PCDHGA3: variants seen among roughly 807,000 people sequenced by gnomAD.
The protein encoded by PCDHGA3 is protocadherin gamma-A3.
In PCDHGA3, 40 loss-of-function variants were observed where a neutral mutation model predicts 58.5. The observed-to-expected ratio is 0.68, with a 90% CI of 0.53 to 0.89. The LOEUF (loss-of-function observed/expected upper bound fraction) is 0.89. Ranked by LOEUF, PCDHGA3 falls within the 40% of genes least tolerant of loss-of-function variation. PCDHGA3 has a pLI of 0.00. For missense variants in PCDHGA3, 1,223 were observed against 1,195.9 expected (o/e 1.02, Z -0.33); for synonymous variants, 530 against 525.7 (o/e 1.01, Z -0.11).
In PCDHGA3 at chr5:141,408,035, C is replaced by T. The variant is rs886766467; in HGVS notation, c.2424+61578C>T. On this transcript the variant is annotated intron_variant, in intron 1 of 3. Transcript: ENST00000253812. ...CAGCCAACAACAGAAAGAAGAAAAC[C>T]AGCTCCCACACAGAGCCTCCCGGCT... 7.1e-6 allele frequency: 8 copies of T among 1,130,910 alleles called. No homozygotes were observed. The African/African-American group carries it at 7.8e-5, about 11-fold the overall frequency. 70.1% of individuals were successfully genotyped at this position (1,130,910 alleles called of 1,614,324 possible).
rs1385408442 is a variant in PCDHGA3 at position 141,487,321 on chromosome 5, T to A, written c.2425-7486T>A. 1 of 1,614,198 alleles carries A rather than the reference T, an allele frequency of 6.2e-7. No homozygotes were observed. The highest frequency in any genetic ancestry group is 1.7e-5 in the Admixed American group (1 of 60,032). ...TCGTGGCACTACTCTCTAAGTGTCT[T>A]CGTGGGGCAGCCTGTGGAGTCACAT... is the stretch of plus-strand genomic sequence containing the variant. On this transcript the variant is annotated intron_variant, in intron 1 of 3. Transcript: ENST00000253812. This position sits in a 1 kb window ranked among gnomAD's most constrained non-coding sequence, Gnocchi z 5.0.
intron 2 of PCDHGA3, among the ~76,000 whole-genome samples, chr5:141,502,250 T>A (rs915754322): frequency 2.6e-5 from 4 of 152,242 alleles, no homozygotes; most frequent in East Asian, 3.8e-4. Context: ...TCCTTTTTTT[T>A]AATCCAGGAT....
chr5:141,362,481 T>C (rs1372374751), intron 1 of PCDHGA3: 16 of 1,613,962 alleles, frequency 9.9e-6, no homozygotes, highest in Non-Finnish European at 1.4e-5. Context: ...ATCTCGTCTG[T>C]GACAATGCCT....
chr5:141,508,919 C>T (rs1166086266), intron 3 of PCDHGA3, among the ~76,000 whole-genome samples: 1 of 151,996 alleles, frequency 6.6e-6, no homozygotes, highest in Non-Finnish European at 1.5e-5. Context: ...GATCTGGCTT[C>T]CTTTTGGAGT....
At chr5:141,395,004 A>T (rs2093147678) in intron 1 of PCDHGA3, 3 of 1,614,010 alleles carry the variant, frequency 1.9e-6, no homozygotes, top group Non-Finnish European at 2.5e-6. Context: ...TTCCGGTGGC[A>T]GATTGGTAGG....
chr5:141,399,619 G>C (rs749025661), intron 1 of PCDHGA3: 1 of 1,613,902 alleles, frequency 6.2e-7, no homozygotes, highest in Non-Finnish European at 8.5e-7. Context: ...TCTGGCACTG[G>C]CCTCTTACGT....
In PCDHGA3 at chr5:141,432,688, A is replaced by T; in HGVS notation, c.2425-62119A>T. 1 of 1,613,896 alleles carries T rather than the reference A, an allele frequency of 6.2e-7. No homozygotes were observed. The highest frequency in any genetic ancestry group is 1.1e-5 in the South Asian group (1 of 91,078). ...GAGACGCGCTCAAGCAGAGCCTCGTAGTGGCCGTCCAGGACCACGGCCAGC... is the reference window on the plus strand; with the variant it reads ...GAGACGCGCTCAAGCAGAGCCTCGTTGTGGCCGTCCAGGACCACGGCCAGC... On this transcript the variant is annotated intron_variant, in intron 1 of 3. Transcript: ENST00000253812. This position sits in a 1 kb window ranked among gnomAD's most constrained non-coding sequence, Gnocchi z 6.0.
chr5:141,411,299 G>C (rs1020908131), intron 1 of PCDHGA3: 1 of 152,284 alleles, frequency 6.6e-6, no homozygotes, highest in Non-Finnish European at 1.5e-5. Context: ...GACAGGCCCA[G>C]TGGCTCACAC....
intron 1 of PCDHGA3, among the ~76,000 whole-genome samples, chr5:141,468,000 C>G (rs1429450909): frequency 6.6e-6 from 1 of 152,028 alleles, no homozygotes; most frequent in East Asian, 1.9e-4. Flanking sequence ...ATTCTTTCTT[C>G]CTCTGTTATA....
chr5:141,446,408 C>A (rs1211716327), intron 1 of PCDHGA3, among the ~76,000 whole-genome samples: 1 of 151,898 alleles, frequency 6.6e-6, no homozygotes, highest in African/African-American at 2.4e-5. Flanking sequence ...GAGTTGAGTT[C>A]CAGCCATGTT....
rs771608897 is a variant in PCDHGA3, at chr5:141,490,857, C to T, written c.2425-3950C>T. 58 of 1,613,714 alleles carry T rather than the reference C, an allele frequency of 3.6e-5. 1 individual carries two copies. The highest frequency in any genetic ancestry group is 1.8e-4 in the Admixed American group (11 of 59,992). Reference sequence around the variant, plus strand: ...AGATTGTGGTGGGGGTTCGAGACTCCGGCTCTCCCCCATTGCATGCCAACA... The same window carrying T: ...AGATTGTGGTGGGGGTTCGAGACTCTGGCTCTCCCCCATTGCATGCCAACA... On this transcript the variant is annotated intron_variant, in intron 1 of 3. Transcript: ENST00000253812. The surrounding 1 kb of genome is among the most constrained non-coding windows in gnomAD (Gnocchi z 5.4).
intron 1 of PCDHGA3, chr5:141,475,934 G>C (rs754356530): frequency 3.0e-6 from 2 of 665,118 alleles, no homozygotes; most frequent in Non-Finnish European, 5.0e-6. Context: ...TCGGGCCCCT[G>C]CCCGTCCCCT....
chr5:141,413,574 T>C (rs773380895), intron 1 of PCDHGA3: 12 of 1,613,714 alleles, frequency 7.4e-6, no homozygotes, highest in Admixed American at 1.7e-5. Flanking sequence ...TCAATGACAA[T>C]GCTCCAAAAT....
intron 2 of PCDHGA3, among the ~76,000 whole-genome samples, chr5:141,501,032 C>A (rs1370625012): frequency 6.6e-6 from 1 of 151,976 alleles, no homozygotes; most frequent in Non-Finnish European, 1.5e-5. Context: ...CCACGCCCAG[C>A]TAATTTTTGT....
At chr5:141,372,067 A>G (rs1209515606) in intron 1 of PCDHGA3, 2 of 1,613,450 alleles carry the variant, frequency 1.2e-6, no homozygotes, top group Admixed American at 1.7e-5. Flanking sequence ...CGCAACGACA[A>G]TGCACCGCTG....
chr5:141,494,764 T>A (rs773955144), intron 1 of PCDHGA3, 43 bp from the exon 2 acceptor site: 1 of 1,613,932 alleles, frequency 6.2e-7, no homozygotes, highest in Non-Finnish European at 8.5e-7. Context: ...ACATTCTAAC[T>A]TCTCACGGGT....
At chr5:141,505,259 C>T in intron 2 of PCDHGA3, 134 bp from the exon 3 acceptor site, 2 of 1,500,262 alleles carry the variant, frequency 1.3e-6, no homozygotes, top group Admixed American at 2.0e-5. Flanking sequence ...GTGCCTCCTA[C>T]CTTGCTGAGA....
At chr5:141,376,676 G>GTTTTGTT in intron 1 of PCDHGA3, 5 of 306,022 alleles carry the variant, frequency 1.6e-5, no homozygotes, top group Non-Finnish European at 1.1e-5. Flanking sequence ...TGAGGGTATC[G>GTTTTGTT]TTTTTTTTTT....
rs756252337 is a variant in PCDHGA3, at chr5:141,413,183, C to T, written c.2424+66726C>T. The T allele has an allele frequency of 3.7e-6, 6 of 1,605,222 alleles. No individual in the cohort carries two copies. The Admixed American group carries it at 1.0e-4, about 27-fold the overall frequency. Reference sequence around the variant, plus strand: ...TTCTGTAACCAGACTACAATGGCCGCTCAAAGGAATCGCTCAAAGGAATCA... The same window carrying T: ...TTCTGTAACCAGACTACAATGGCCGTTCAAAGGAATCGCTCAAAGGAATCA... On this transcript the variant is annotated intron_variant, in intron 1 of 3. Transcript: ENST00000253812.
Sources: allele counts gnomAD v4.1 joint callset (sites outside exome capture counted in the v4.1 genomes callset), GRCh38; gene constraint gnomAD v4.1.1; non-coding constraint Gnocchi (gnomAD v3.1); transcripts MANE v1.5; gene names NCBI Gene and HGNC (gene_info 2026-07-23, HGNC 2026-07-21).